The following LHFPL3 variants were observed in gnomAD, a reference collection of about 807,000 sequenced individuals.
LHFPL3 encodes the protein LHFPL tetraspan subfamily member 3 protein.
LHFPL3 carries 5 observed loss-of-function variants against 19.3 expected under a neutral mutation model. The observed-to-expected ratio is 0.26, with a 90% CI of 0.14 to 0.54. LHFPL3 has a LOEUF of 0.54. Ranked by LOEUF, LHFPL3 falls within the 20% of genes least tolerant of loss-of-function variation. LHFPL3 has a pLI of 0.94. For missense variants in LHFPL3, 249 were observed against 307.4 expected, an observed-to-expected ratio of 0.81 and a Z score of 1.42; for synonymous variants, 133 against 126.2, an observed-to-expected ratio of 1.05 and a Z score of -0.36.
chr7:104,815,008 C>T (rs1446083514), intron 2 of LHFPL3, among the ~76,000 whole-genome samples: 1 of 152,178 alleles, frequency 6.6e-6, no homozygotes. Context: ...TGGGCTCCCA[C>T]CTGCTCTATG....
intron 1 of LHFPL3, among the ~76,000 whole-genome samples, chr7:104,723,004 A>C (rs1234329470): frequency 6.6e-6 from 1 of 152,182 alleles, no homozygotes; most frequent in African/African-American, 2.4e-5. Context: ...CAGCAGGCCC[A>C]CGTAACCCAA....
At chr7:104,442,405 A>G (rs1157271398) in intron 1 of LHFPL3, among the ~76,000 whole-genome samples, 2 of 152,336 alleles carry the variant, frequency 1.3e-5, no homozygotes, top group East Asian at 1.9e-4. Context: ...CTTGAATTTT[A>G]AAAGATAAAA....
chr7:104,422,259 G>T (rs758022194), intron 1 of LHFPL3, among the ~76,000 whole-genome samples: 104 of 152,296 alleles, frequency 6.8e-4, no homozygotes, highest in South Asian at 1.2e-3. Flanking sequence ...TATTTGCGAG[G>T]CTGAGGCAGG....
chr7:104,641,734 T>G (rs1791839964), intron 1 of LHFPL3, among the ~76,000 whole-genome samples: 2 of 152,152 alleles, frequency 1.3e-5, no homozygotes, highest in South Asian at 4.1e-4. Context: ...TTGGAGAGAT[T>G]AGAAAGTCCC....
chr7:104,714,076 C>T (rs986674529), intron 1 of LHFPL3, among the ~76,000 whole-genome samples: 4 of 152,168 alleles, frequency 2.6e-5, no homozygotes, highest in African/African-American at 9.7e-5. Flanking sequence ...TCTTACTGCT[C>T]AAGGTTTTAT....
At chr7:104,640,179 A>G (rs1386773585) in intron 1 of LHFPL3, among the ~76,000 whole-genome samples, 1 of 152,186 alleles carries the variant, frequency 6.6e-6, no homozygotes, top group Non-Finnish European at 1.5e-5. Context: ...ATAGTTATAC[A>G]TGTGCCAAGG....
chr7:104,467,432 A>G (rs1441966778), intron 1 of LHFPL3, among the ~76,000 whole-genome samples: 1 of 152,222 alleles, frequency 6.6e-6, no homozygotes, highest in African/African-American at 2.4e-5. Flanking sequence ...CTATTTTGCA[A>G]GAGTGTTGAG....
At chr7:104,657,717 G>T (rs371366138) in intron 1 of LHFPL3, among the ~76,000 whole-genome samples, 2 of 152,260 alleles carry the variant, frequency 1.3e-5, no homozygotes, top group South Asian at 4.1e-4. Context: ...TTCTCCCCAT[G>T]CATCTATCCC....
intron 1 of LHFPL3, among the ~76,000 whole-genome samples, chr7:104,563,853 G>A (rs962460689): frequency 6.6e-6 from 1 of 151,474 alleles, no homozygotes; most frequent in Non-Finnish European, 1.5e-5. Flanking sequence ...TTCTGTTATA[G>A]TAGCCTGAAC....
chr7:104,514,641 A>C (rs1354667220), intron 1 of LHFPL3, among the ~76,000 whole-genome samples: 3 of 152,198 alleles, frequency 2.0e-5, no homozygotes, highest in African/African-American at 7.2e-5. Flanking sequence ...CACAAGTCTC[A>C]GGGAGCTGGA....
intron 1 of LHFPL3, among the ~76,000 whole-genome samples, chr7:104,371,876 A>T (rs1004909343): frequency 2.6e-5 from 4 of 152,212 alleles, no homozygotes; most frequent in African/African-American, 9.7e-5. Flanking sequence ...CATGTATGAG[A>T]TACATATTTT....
intron 1 of LHFPL3, among the ~76,000 whole-genome samples, chr7:104,410,264 C>G (rs952450565): frequency 6.6e-6 from 1 of 152,136 alleles, no homozygotes; most frequent in African/African-American, 2.4e-5. Flanking sequence ...TCCCAAATAG[C>G]TGGGATTACA....
At chr7:104,832,644 T>C (rs751130076) in intron 2 of LHFPL3, among the ~76,000 whole-genome samples, 51 of 140,316 alleles carry the variant, frequency 3.6e-4, no homozygotes, top group Non-Finnish European at 5.9e-4. Context: ...TTTTTTGATA[T>C]TTCTACTTGA....
chr7:104,702,158 G>A (rs1562968800), intron 1 of LHFPL3, among the ~76,000 whole-genome samples: 3 of 152,054 alleles, frequency 2.0e-5, no homozygotes, highest in Non-Finnish European at 4.4e-5. Flanking sequence ...AGTTTGCTGA[G>A]AATGATGATT....
chr7:104,546,350 A>T (rs1373110268), intron 1 of LHFPL3, among the ~76,000 whole-genome samples: 1 of 152,228 alleles, frequency 6.6e-6, no homozygotes, highest in Non-Finnish European at 1.5e-5. Flanking sequence ...CAGATCAGTT[A>T]AACTAATTTA....
chr7:104,882,963 A>G (rs538439431), intron 2 of LHFPL3, among the ~76,000 whole-genome samples: 2 of 152,292 alleles, frequency 1.3e-5, no homozygotes, highest in South Asian at 4.1e-4. Context: ...CAGTGCTAAA[A>G]CCAGAAAAGT....
chr7:104,728,319 T>A (rs900874141), intron 1 of LHFPL3, among the ~76,000 whole-genome samples: 25 of 152,226 alleles, frequency 1.6e-4, no homozygotes, highest in African/African-American at 6.0e-4. Flanking sequence ...TCTTGCTAGC[T>A]TCAGGAATTA....
chr7:104,523,974 G>A (rs568655193), intron 1 of LHFPL3, among the ~76,000 whole-genome samples: 22 of 152,226 alleles, frequency 1.4e-4, no homozygotes, highest in South Asian at 4.1e-4. Flanking sequence ...TTCTGATGCC[G>A]TCAATTAATC....
chr7:104,395,953 T>A (rs1257864284), intron 1 of LHFPL3, among the ~76,000 whole-genome samples: 1 of 152,060 alleles, frequency 6.6e-6, no homozygotes, highest in Non-Finnish European at 1.5e-5. Flanking sequence ...TAAACCTAAG[T>A]CCAAAAAGGG....
Sources: gnomAD v4.1 joint callset for allele counts (sites outside exome capture counted in the v4.1 genomes callset) on GRCh38, gnomAD v4.1.1 for gene constraint, MANE v1.5 for transcripts, NCBI Gene and HGNC (gene_info 2026-07-23, HGNC 2026-07-21) for gene names.